The following EYS variants were observed in gnomAD, a reference collection of about 807,000 sequenced individuals.
EYS encodes the protein protein eyes shut homolog.
A neutral mutation model predicts 282.1 loss-of-function variants in EYS; 250 were observed. That is an observed-to-expected ratio of 0.89 (90% confidence interval 0.80 to 0.98). The LOEUF is 0.98. Among genes scored for constraint, EYS ranks in the 50% least tolerant of loss-of-function variants. The pLI, the probability that EYS is intolerant of heterozygous loss-of-function variation, is 0.00. For missense variants in EYS, 4,016 were observed against 3,709.0 expected (o/e 1.08, Z -2.15); for synonymous variants, 1,355 against 1,282.9 (o/e 1.06, Z -1.20).
chr6:64,531,910 C>T (rs1286719721), intron 26 of EYS, among the ~76,000 whole-genome samples: 1 of 152,190 alleles, frequency 6.6e-6, no homozygotes, highest in East Asian at 1.9e-4. Flanking sequence ...GGGAGTCACA[C>T]CAGTGGGTTG....
intron 26 of EYS, among the ~76,000 whole-genome samples, chr6:64,583,175 T>C (rs201962810): frequency 6.6e-6 from 1 of 152,132 alleles, no homozygotes; most frequent in Non-Finnish European, 1.5e-5. Flanking sequence ...ATCTTACTTG[T>C]AGGGTGGACA....
In EYS at chr6:63,720,989, A is replaced by T. The variant is rs1270429142; in HGVS notation, c.9042T>A (p.His3014Gln). The change falls in exon 43 of 43, where the codon CAT becomes CAA. Residue 3014 changes from histidine (H) to glutamine (Q), a missense_variant. His to Gln is a conservative substitution (Grantham distance 24, BLOSUM62 0). Coordinates refer to ENST00000503581, the MANE Select transcript of EYS (RefSeq NM_001142800.2). ...TAACTGCTATTTTCAAGGTCTGATT[A>T]TGGAGACCAATTGCCAGAAAATCAT... is the stretch of plus-strand genomic sequence containing the variant. ...EENDFLAIGL[H>Q]NQTLKIAVNL... The T allele has an allele frequency of 6.4e-7, 1 of 1,551,256 alleles. No individual in the cohort carries two copies. The highest frequency in any genetic ancestry group is 8.7e-7 in the Non-Finnish European group (1 of 1,146,806).
At chr6:65,008,903 G>A (rs983823094) in intron 13 of EYS, among the ~76,000 whole-genome samples, 3 of 152,120 alleles carry the variant, frequency 2.0e-5, no homozygotes, top group African/African-American at 7.2e-5. Flanking sequence ...CACTATCCGA[G>A]GGGGTCCTAG....
At chr6:64,965,687 C>T (rs1467528308) in intron 14 of EYS, among the ~76,000 whole-genome samples, 1 of 152,052 alleles carries the variant, frequency 6.6e-6, no homozygotes, top group African/African-American at 2.4e-5. Context: ...AGATTTATTA[C>T]AAAGTATACT....
chr6:65,228,352 T>G (rs1443593992), intron 12 of EYS, among the ~76,000 whole-genome samples: 3 of 152,076 alleles, frequency 2.0e-5, no homozygotes, highest in Non-Finnish European at 2.9e-5. Flanking sequence ...GTGTTCCACA[T>G]GGTTATAATA....
At chr6:65,519,999 A>G (rs572619148) in intron 2 of EYS, among the ~76,000 whole-genome samples, 3 of 150,086 alleles carry the variant, frequency 2.0e-5, no homozygotes, top group South Asian at 4.4e-4. Context: ...TACTCTTTAT[A>G]GATTAATTTT....
intron 31 of EYS, among the ~76,000 whole-genome samples, chr6:64,118,823 C>CA (rs1455831288): frequency 2.0e-5 from 3 of 151,538 alleles, no homozygotes; most frequent in Non-Finnish European, 4.4e-5. Context: ...ACAAGAAACT[C>CA]AAAAAAACTC....
chr6:63,960,736 C>A (rs1322183545), intron 35 of EYS, among the ~76,000 whole-genome samples: 1 of 152,204 alleles, frequency 6.6e-6, no homozygotes, highest in Non-Finnish European at 1.5e-5. Context: ...CTTAAATGGT[C>A]ATTAGCATTT....
chr6:63,749,298 C>A (rs1022039317), intron 41 of EYS, among the ~76,000 whole-genome samples: 8 of 152,092 alleles, frequency 5.3e-5, no homozygotes, highest in African/African-American at 1.9e-4. Flanking sequence ...TGATTTTGAG[C>A]TATTTCCTTA....
At chr6:63,908,130 T>G (rs1363257673) in intron 35 of EYS, among the ~76,000 whole-genome samples, 2 of 150,714 alleles carry the variant, frequency 1.3e-5, no homozygotes, top group Non-Finnish European at 3.0e-5. Flanking sequence ...ATAGACAGGT[T>G]GATTCCACAT....
intron 14 of EYS, among the ~76,000 whole-genome samples, chr6:64,997,021 C>A (rs1050811637): frequency 6.6e-6 from 1 of 151,962 alleles, no homozygotes; most frequent in East Asian, 1.9e-4. Flanking sequence ...AAATGAGGAG[C>A]CGGAGGGGAT....
At chr6:64,744,168 A>T (rs949190341) in intron 22 of EYS, among the ~76,000 whole-genome samples, 1 of 152,200 alleles carries the variant, frequency 6.6e-6, no homozygotes, top group Admixed American at 6.5e-5. Context: ...CTTTAGAAAC[A>T]ACACAGTTTT....
At chr6:65,694,285 A>G (rs796759693) in intron 1 of EYS, among the ~76,000 whole-genome samples, 37 of 149,184 alleles carry the variant, frequency 2.5e-4, no homozygotes, top group Middle Eastern at 3.4e-3. Flanking sequence ...AAAAAAATAT[A>G]TATATATGTA....
At chr6:65,204,771 C>G (rs1229522710) in intron 12 of EYS, among the ~76,000 whole-genome samples, 1 of 150,226 alleles carries the variant, frequency 6.7e-6, no homozygotes, top group East Asian at 2.0e-4. Flanking sequence ...ACATAAATAG[C>G]CTAAACATTC....
intron 5 of EYS, among the ~76,000 whole-genome samples, chr6:65,409,909 C>T (rs567725641): frequency 1.1e-4 from 17 of 152,008 alleles, no homozygotes; most frequent in Non-Finnish European, 2.4e-4. Context: ...GTGACCACAC[C>T]ATTGACATTA....
chr6:64,114,501 C>T (rs915969056), intron 31 of EYS, among the ~76,000 whole-genome samples: 1 of 152,068 alleles, frequency 6.6e-6, no homozygotes, highest in African/African-American at 2.4e-5. Flanking sequence ...TATAGCAGCA[C>T]AATAGGGCAA....
intron 5 of EYS, among the ~76,000 whole-genome samples, chr6:65,435,861 G>C (rs570090266): frequency 6.6e-6 from 1 of 152,228 alleles, no homozygotes; most frequent in Admixed American, 6.5e-5. Context: ...TTAGGACATA[G>C]AGGCACAGAG....
intron 10 of EYS, among the ~76,000 whole-genome samples, chr6:65,336,707 A>C (rs1460301302): frequency 6.6e-6 from 1 of 150,878 alleles, no homozygotes; most frequent in East Asian, 1.9e-4. Context: ...AGTAAATTAA[A>C]TAATATCTTT....
chr6:64,595,122 G>C lies in EYS; in HGVS notation c.3685-1813C>G, dbSNP rs554701667. On this transcript the variant is annotated intron_variant, in intron 24 of 42. Transcript: ENST00000503581. ...ATCAAGTGGGATTTATCCCAGGCAT[G>C]CAAGGATGTTTCAACATATGTAAAT... Among the ~76,000 whole-genome samples the C allele has an allele frequency of 8.8e-4, 134 of 152,298 alleles. 1 individual carries two copies. The highest frequency in any genetic ancestry group is 1.9e-3 in the South Asian group (9 of 4,830).
Sources: allele counts gnomAD v4.1 joint callset (sites outside exome capture counted in the v4.1 genomes callset), GRCh38; gene constraint gnomAD v4.1.1; transcripts MANE v1.5; gene names NCBI Gene and HGNC (gene_info 2026-07-23, HGNC 2026-07-21).